Variants in PCNX1 observed in about 807,000 individuals in gnomAD.
PCNX1 encodes the protein pecanex 1.
Under a neutral mutation model 242.2 loss-of-function variants are expected in PCNX1, and 78 were observed. That is an observed-to-expected ratio of 0.32 (90% confidence interval 0.27 to 0.39). The LOEUF is 0.39. Among genes scored for constraint, PCNX1 ranks in the 10% least tolerant of loss-of-function variants. The pLI, the probability that PCNX1 is intolerant of heterozygous loss-of-function variation, is 1.00. For missense variants in PCNX1, 2,581 were observed against 2,856.5 expected (o/e 0.90, Z 2.20); for synonymous variants, 1,024 against 1,032.9 (o/e 0.99, Z 0.17).
At chr14:70,993,406 G>A (rs1325350565) in intron 7 of PCNX1, among the ~76,000 whole-genome samples, 11 of 152,110 alleles carry the variant, frequency 7.2e-5, no homozygotes, top group Non-Finnish European at 1.3e-4. Context: ...GGAATCACAG[G>A]TGTGAGCCAC....
In PCNX1 at chr14:70,949,305, ATG is replaced by A. The variant is rs1447907089; in HGVS notation, c.362+2188_362+2189del. On this transcript the variant is annotated intron_variant, in intron 2 of 35. Coordinates refer to ENST00000304743, the MANE Select transcript of PCNX1 (RefSeq NM_014982.3). Reference sequence around the variant, plus strand: ...TATACACACACGTGTGTACACACATATGTGTGTAGATACACACGTGTATACAC... The same window carrying A: ...TATACACACACGTGTGTACACACATATGTGTAGATACACACGTGTATACAC... 2.7e-4 allele frequency among the ~76,000 whole-genome samples: 34 copies of A among 124,890 alleles called. No individual in the cohort carries two copies. In the South Asian group the frequency reaches 4.8e-3, roughly 17 times the overall value. The allele number at this position is 124,890 out of a possible 152,430, so 81.9% of individuals were successfully genotyped here. A position where few individuals can be genotyped will look rare whatever the true frequency, so the allele number is the denominator to read the frequency against.
At chr14:71,094,486 A>G (rs1021462584) in intron 30 of PCNX1, among the ~76,000 whole-genome samples, 2 of 152,246 alleles carry the variant, frequency 1.3e-5, no homozygotes, top group African/African-American at 4.8e-5. Context: ...AGCTGAAAAT[A>G]TAAAATTTCT....
At chr14:70,908,932 G>T in intron 1 of PCNX1, among the ~76,000 whole-genome samples, 1 of 151,924 alleles carries the variant, frequency 6.6e-6, no homozygotes, top group East Asian at 1.9e-4. Context: ...AGGGAAACTC[G>T]TGTGGACAGA....
At chr14:70,995,585 T>C (rs1055849375) in intron 7 of PCNX1, among the ~76,000 whole-genome samples, 156 bp from the exon 8 acceptor site, 1 of 152,250 alleles carries the variant, frequency 6.6e-6, no homozygotes, top group African/African-American at 2.4e-5. Flanking sequence ...AAGTTGGCAA[T>C]GTAATCTGTA....
At chr14:70,966,459 C>G (rs1033479884) in intron 3 of PCNX1, among the ~76,000 whole-genome samples, 2 of 152,132 alleles carry the variant, frequency 1.3e-5, no homozygotes, top group Non-Finnish European at 2.9e-5. Context: ...AGTTAGGAAG[C>G]AAGCAGTAGT....
intron 1 of PCNX1, among the ~76,000 whole-genome samples, chr14:70,920,510 G>A (rs761713669): frequency 6.6e-6 from 1 of 152,248 alleles, no homozygotes; most frequent in African/African-American, 2.4e-5. Context: ...GGACAAAAGA[G>A]AGGGAGAGTA....
intron 5 of PCNX1, among the ~76,000 whole-genome samples, chr14:70,973,104 A>T (rs989960023): frequency 1.3e-5 from 2 of 151,904 alleles, no homozygotes; most frequent in African/African-American, 4.8e-5. Flanking sequence ...AATACAAAAA[A>T]TTACCTGGGT....
At chr14:70,920,529 A>G (rs1387998810) in intron 1 of PCNX1, among the ~76,000 whole-genome samples, 1 of 152,214 alleles carries the variant, frequency 6.6e-6, no homozygotes, top group African/African-American at 2.4e-5. Flanking sequence ...TATTCTGAAT[A>G]TTTTTGAATA....
At chr14:71,022,907 T>A (rs1224245219) in intron 12 of PCNX1, among the ~76,000 whole-genome samples, 1 of 152,102 alleles carries the variant, frequency 6.6e-6, no homozygotes, top group East Asian at 1.9e-4. Context: ...AGCCAAACAG[T>A]AAGATGGCTC....
At chr14:71,107,180 C>T (rs933678827) in intron 33 of PCNX1, among the ~76,000 whole-genome samples, 3 of 152,106 alleles carry the variant, frequency 2.0e-5, no homozygotes, top group African/African-American at 4.8e-5. Context: ...AACTGCCCCC[C>T]TGACTGCTTC....
intron 7 of PCNX1, among the ~76,000 whole-genome samples, chr14:70,991,324 C>T (rs2059159586): frequency 1.3e-5 from 2 of 151,778 alleles, no homozygotes; most frequent in Admixed American, 1.3e-4. Flanking sequence ...CCTGGCTCAG[C>T]CTCCTGAGTA....
intron 27 of PCNX1, among the ~76,000 whole-genome samples, chr14:71,075,351 A>C (rs2061690556): frequency 1.3e-5 from 2 of 152,090 alleles, no homozygotes; most frequent in African/African-American, 4.8e-5. Context: ...GATTGGGATG[A>C]ACGCTGAGCC....
chr14:71,039,565 C>T (rs147400582), intron 19 of PCNX1, among the ~76,000 whole-genome samples: 97 of 152,256 alleles, frequency 6.4e-4, no homozygotes, highest in African/African-American at 2.2e-3. Context: ...ACCATTTCTT[C>T]CATATTCTGT....
At chr14:70,979,963 CTTT>C (rs372868612) in intron 6 of PCNX1, among the ~76,000 whole-genome samples, 1 of 136,596 alleles carries the variant, frequency 7.3e-6, no homozygotes, top group Non-Finnish European at 1.6e-5. Context: ...ATAGTTCTCT[CTTT>C]TTTTTTTTTT....
rs34724246 is a variant in PCNX1 at position 71,075,556 on chromosome 14, G to GT, written c.5107-625dup. 4.5e-3 allele frequency among the ~76,000 whole-genome samples: 684 copies of GT among 151,802 alleles called. 4 individuals are homozygous for GT. The highest frequency in any genetic ancestry group is 6.2e-3 in the Non-Finnish European group (418 of 67,948). ...TTCAAAATAAATGCAGCACAGTAAA[G>GT]TTTTTTTTACCTCTTTTGAAATATC... On this transcript the variant is annotated intron_variant, in intron 27 of 35. Coordinates refer to ENST00000304743, the MANE Select transcript of PCNX1 (RefSeq NM_014982.3).
chr14:71,011,677 CA>C, intron 10 of PCNX1, 128 bp downstream of exon 10: 1 of 624,926 alleles, frequency 1.6e-6, no homozygotes. Flanking sequence ...AAAACTATGG[CA>C]AAATCACTTT....
intron 2 of PCNX1, among the ~76,000 whole-genome samples, chr14:70,952,918 G>C (rs145579292): frequency 6.6e-6 from 1 of 152,204 alleles, no homozygotes; most frequent in Non-Finnish European, 1.5e-5. Context: ...ATCAACATTT[G>C]ATATTGGTAA....
intron 24 of PCNX1, among the ~76,000 whole-genome samples, chr14:71,054,465 G>T (rs1204362886): frequency 6.6e-6 from 1 of 152,144 alleles, no homozygotes; most frequent in Non-Finnish European, 1.5e-5. Flanking sequence ...TGGTAGATAG[G>T]AGTTTCCCAA....
At position 71,110,828 on chromosome 14, in the gene PCNX1, T is replaced by C. The variant is rs2062740526; in HGVS notation, c.*893T>C. On this transcript the variant is annotated 3_prime_UTR_variant, in exon 36 of 36. Coordinates refer to ENST00000304743, the MANE Select transcript of PCNX1 (RefSeq NM_014982.3). ...CAGAGGAGCCCATGTGCTCTGCTTCTCTCCACCAGAGCAAGCTCTGCTGGG... is the reference window on the plus strand; with the variant it reads ...CAGAGGAGCCCATGTGCTCTGCTTCCCTCCACCAGAGCAAGCTCTGCTGGG... 6.6e-6 allele frequency: 1 copy of C among 152,626 alleles called. No homozygotes were observed. The highest frequency in any genetic ancestry group is 1.5e-5 in the Non-Finnish European group (1 of 68,022). The allele number at this position is 152,626 out of a possible 1,614,324, so 9.5% of individuals were successfully genotyped here. A position where few individuals can be genotyped will look rare whatever the true frequency, so the allele number is the denominator to read the frequency against.
Sources: gnomAD v4.1 joint callset for allele counts (sites outside exome capture counted in the v4.1 genomes callset) on GRCh38, gnomAD v4.1.1 for gene constraint, MANE v1.5 for transcripts, NCBI Gene and HGNC (gene_info 2026-07-23, HGNC 2026-07-21) for gene names.